BPIFB4: variants seen among roughly 807,000 people sequenced by gnomAD.
BPIFB4 encodes BPI fold containing family B member 4.
BPIFB4 carries 62 observed loss-of-function variants against 69.2 expected under a neutral mutation model. The ratio of observed to expected loss-of-function variants is 0.90; its 90% confidence interval spans 0.73 to 1.11. BPIFB4 has a LOEUF of 1.11. BPIFB4 is among the 50% of genes least tolerant of loss of function. The pLI is 0.00. For synonymous variants in BPIFB4, 330 were observed against 332.7 expected (o/e 0.99, Z 0.09); for missense variants, 789 against 792.0 (o/e 1.00, Z 0.04).
chr20:33,103,840 T>C (rs1038918312), intron 15 of BPIFB4, among the ~76,000 whole-genome samples: 1 of 152,218 alleles, frequency 6.6e-6, no homozygotes. Flanking sequence ...CCCAGCTGGT[T>C]GGGGCAGAGT....
intron 14 of BPIFB4, 101 bp from the exon 15 acceptor site, chr20:33,102,871 G>C (rs1036677955): frequency 2.5e-6 from 3 of 1,180,796 alleles, no homozygotes; most frequent in Non-Finnish European, 3.8e-6. Flanking sequence ...GAGAGTGATC[G>C]TGAGGATAGT....
chr20:33,086,263 T>C, intron 7 of BPIFB4, 99 bp downstream of exon 7: 1 of 1,451,898 alleles, frequency 6.9e-7, no homozygotes, highest in East Asian at 2.4e-5. Flanking sequence ...GGCTCTGGGG[T>C]GGGCAGGACG....
intron 11 of BPIFB4, 57 bp downstream of exon 11, chr20:33,092,715 C>T (rs1981642302): frequency 9.4e-6 from 14 of 1,484,734 alleles, no homozygotes; most frequent in Non-Finnish European, 1.3e-5. Context: ...TGCCAGTGAC[C>T]CTTCTCAGTC....
Position 33,095,085 on chromosome 20 carries a change from C to G in BPIFB4, c.1345-15C>G. The G allele has an allele frequency of 6.2e-7, 1 of 1,607,260 alleles. No homozygotes were observed. The highest frequency in any genetic ancestry group is 8.5e-7 in the Non-Finnish European group (1 of 1,173,756). ...AGCCTCCAGGATTCACGTGGCCCTT[C>G]TTCTTGTCCTATAGTTTGAAGAGCT... On this transcript the variant is annotated splice_polypyrimidine_tract_variant and intron_variant, in intron 11 of 17. Transcript: ENST00000375483.
intron 12 of BPIFB4, among the ~76,000 whole-genome samples, chr20:33,095,635 T>A (rs914733340): frequency 6.6e-6 from 1 of 152,072 alleles, no homozygotes; most frequent in African/African-American, 2.4e-5. Context: ...AGTCAGCACA[T>A]CCCAGTCATA....
chr20:33,097,627 A>T lies in BPIFB4; in HGVS notation c.1409A>T (p.Gln470Leu), dbSNP rs889840688. ...LGALIPKVFQ[Q>L]YPESCPLIIR... Reference sequence around the variant, plus strand: ...GGTGCCTGCCCACAGGTGTTCCAGCAGTACCCCGAGTCCTGCCCACTTATC... The same window carrying T: ...GGTGCCTGCCCACAGGTGTTCCAGCTGTACCCCGAGTCCTGCCCACTTATC... The change falls in exon 13 of 18, where the codon CAG becomes CTG. Residue 470 changes from glutamine to leucine, a missense_variant. By Grantham distance (113) the Gln-to-Leu change is moderately radical (BLOSUM62 -2). Around this residue, in one of 3 missense-constraint regions of BPIFB4, gnomAD observed 170 missense variants for 193.6 expected, o/e 0.88. Coordinates refer to ENST00000375483, the MANE Select transcript of BPIFB4 (RefSeq NM_182519.3). The T allele has an allele frequency of 3.1e-6, 5 of 1,613,950 alleles. No individual in the cohort carries two copies. The highest frequency in any genetic ancestry group is 4.2e-6 in the Non-Finnish European group (5 of 1,179,884).
At position 33,081,569 on chromosome 20, in the gene BPIFB4, G is replaced by C. The variant is rs765706851; in HGVS notation, c.43G>C (p.Val15Leu). 5.7e-5 allele frequency: 88 copies of C among 1,551,596 alleles called. No homozygotes were observed. Among genetic ancestry groups the C allele is most frequent in the Non-Finnish European group, 7.3e-5 (84 of 1,147,006 alleles). Residue 15 changes from valine (V) to leucine (L), a missense_variant, in exon 3 of 18, where the codon GTG (valine) becomes CTG (leucine). By Grantham distance (32) the Val-to-Leu change is conservative (BLOSUM62 1). Coordinates refer to ENST00000375483, the MANE Select transcript of BPIFB4 (RefSeq NM_182519.3). Reference protein sequence around the residue: ...WCVAALSVVAVCGTSHETNTV... With the variant: ...WCVAALSVVALCGTSHETNTV... ...TGTGGCTGCGCTGTCTGTGGTGGCT[G>C]TGTGTGGCACCAGCCACGAGACAAA...
chr20:33,104,051 G>A (rs1981977437), intron 15 of BPIFB4, among the ~76,000 whole-genome samples: 1 of 152,168 alleles, frequency 6.6e-6, no homozygotes. Context: ...TCCAAATAAG[G>A]AAGGTAAGCT....
intron 1 of BPIFB4, 23 bp from the exon 2 acceptor site, chr20:33,080,446 A>G (rs1981196246): frequency 6.6e-6 from 1 of 152,246 alleles, no homozygotes; most frequent in African/African-American, 2.4e-5. Flanking sequence ...CCAATCTCAT[A>G]ACATTCCTCA....
chr20:33,098,735 A>T (rs962599633), intron 13 of BPIFB4, among the ~76,000 whole-genome samples: 2 of 129,858 alleles, frequency 1.5e-5, no homozygotes, highest in Admixed American at 8.2e-5. Context: ...ACAGAGCAAG[A>T]CTCCATCTCA....
At chr20:33,099,390 A>C (rs1241689839) in intron 13 of BPIFB4, among the ~76,000 whole-genome samples, 2 of 152,158 alleles carry the variant, frequency 1.3e-5, no homozygotes, top group Admixed American at 6.5e-5. Flanking sequence ...TCCATCAATC[A>C]GCCTCTACTG....
Position 33,084,907 on chromosome 20 carries a change from G to C in BPIFB4, c.693G>C (p.Glu231Asp). ...TCCCGAGCAGGCTGCGTATCGTGGA[G>C]CTGACCCTCCCTCGGGTGTCCGTGC... The part of the protein sequence containing the change: ...VQGITGLRIV[E>D]LTLPRVSVRL... Residue 231 changes from glutamate (E) to aspartate (D), a missense_variant, in exon 6 of 18, where the codon GAG (glutamate) becomes GAC (aspartate). By Grantham distance (45) the Glu-to-Asp change is conservative. This residue lies in a region of BPIFB4 where 611 missense variants were observed against 575.4 expected (regional missense o/e 1.06). Coordinates refer to ENST00000375483, the MANE Select transcript of BPIFB4 (RefSeq NM_182519.3). 1 of 1,608,884 alleles carries C rather than the reference G, an allele frequency of 6.2e-7. No homozygotes were observed. The highest frequency in any genetic ancestry group is 1.1e-5 in the South Asian group (1 of 91,026).
chr20:33,093,422 TC>T (rs964987895), intron 11 of BPIFB4, among the ~76,000 whole-genome samples: 2 of 136,954 alleles, frequency 1.5e-5, no homozygotes. Flanking sequence ...AATCAAACCA[TC>T]CACCCATTCA....
intron 8 of BPIFB4, 124 bp from the exon 9 acceptor site, chr20:33,089,374 G>A: frequency 1.4e-6 from 2 of 1,469,976 alleles, no homozygotes; most frequent in Non-Finnish European, 1.9e-6. Context: ...GCTGTGGTGA[G>A]GAGAGTGCCT....
At chr20:33,087,657 C>T (rs1357834980) in intron 7 of BPIFB4, among the ~76,000 whole-genome samples, 8 of 150,276 alleles carry the variant, frequency 5.3e-5, no homozygotes, top group Non-Finnish European at 1.0e-4. Context: ...GATAATTTCC[C>T]AGAAGAGAAA....
Position 33,084,992 on chromosome 20 carries a change from A to C in BPIFB4, c.778A>C (p.Lys260Gln). The change falls in exon 6 of 18, where the codon AAG (lysine) becomes CAG (glutamine). Residue 260 changes from lysine to glutamine, a missense_variant. Physicochemically the swap from Lys to Gln is moderately conservative, Grantham distance 53. Around this residue, in one of 3 missense-constraint regions of BPIFB4, gnomAD observed 611 missense variants for 575.4 expected, o/e 1.06. Transcript: ENST00000375483. ...SLYTRVAING[K>Q]SLIGFLDIAV... ...GTACACCCGTGTGGCCATCAACGGG[A>C]AGAGGTGCGTGCCCTTGGCCCTGGA... The C allele has an allele frequency of 6.2e-7, 1 of 1,611,586 alleles. No individual in the cohort carries two copies. The highest frequency in any genetic ancestry group is 8.5e-7 in the Non-Finnish European group (1 of 1,179,846).
At chr20:33,101,857 C>A (rs984520893) in intron 14 of BPIFB4, among the ~76,000 whole-genome samples, 1 of 151,766 alleles carries the variant, frequency 6.6e-6, no homozygotes, top group East Asian at 1.9e-4. Context: ...TCCTTTAATT[C>A]TTGATATAAG....
In BPIFB4 at chr20:33,104,860, G is replaced by T. The variant is rs141655916; in HGVS notation, c.1731G>T (p.Met577Ile). 2 of 1,614,124 alleles carry T rather than the reference G, an allele frequency of 1.2e-6. No homozygotes were observed. The highest frequency in any genetic ancestry group is 2.2e-5 in the East Asian group (1 of 44,876). The change falls in exon 16 of 18, where the codon ATG (methionine) becomes ATT (isoleucine). Residue 577 changes from methionine to isoleucine, a missense_variant. Met to Ile is a conservative substitution (Grantham distance 10). Around this residue, in one of 3 missense-constraint regions of BPIFB4, gnomAD observed 170 missense variants for 193.6 expected, o/e 0.88. Transcript: ENST00000375483. ...AGAAGATTTTTGACCTGGCATTCAT[G>T]CCCGCAATGAACGGTGAGAGCGGGT... is the stretch of plus-strand genomic sequence containing the variant. ...LVEKIFDLAF[M>I]PAMNAVLGSG...
intron 11 of BPIFB4, 25 bp from the exon 12 acceptor site, chr20:33,095,075 C>A (rs201711959): frequency 3.8e-6 from 6 of 1,594,278 alleles, no homozygotes; most frequent in Non-Finnish European, 5.2e-6. Context: ...CCAGGATTCA[C>A]GTGGCCCTTC....
Sources: allele counts gnomAD v4.1 joint callset (sites outside exome capture counted in the v4.1 genomes callset), GRCh38; gene constraint gnomAD v4.1.1; regional missense constraint gnomAD v4.1.1; transcripts MANE v1.5; gene names NCBI Gene and HGNC (gene_info 2026-07-23, HGNC 2026-07-21).